The following OTC variants were observed in gnomAD, a reference collection of about 807,000 sequenced individuals.
OTC encodes the protein ornithine transcarbamylase.
A neutral mutation model predicts 30.3 loss-of-function variants in OTC; 3 were observed. That is an observed-to-expected ratio of 0.10 (90% CI 0.05 to 0.26). OTC has a LOEUF of 0.26. Ranked by LOEUF, OTC falls within the 10% of genes least tolerant of loss-of-function variation. The pLI is 1.00. For missense variants in OTC, 194 were observed against 260.3 expected, an observed-to-expected ratio of 0.75 and a Z score of 1.75; for synonymous variants, 111 against 99.7, an observed-to-expected ratio of 1.11 and a Z score of -0.67.
chrX:38,345,107 T>G, the OTC span, among the ~76,000 whole-genome samples: 66 of 110,883 alleles, frequency 6.0e-4, no homozygotes, highest in African/African-American at 1.6e-3. Flanking sequence ...GAGGCTGAGG[T>G]TGGAGGATCG....
chrX:38,331,797 G>C, the OTC span, among the ~76,000 whole-genome samples: 1 of 110,688 alleles, frequency 9.0e-6, no homozygotes, highest in Admixed American at 9.7e-5. Context: ...GCCCAGGCTG[G>C]TCTTGAACTT....
chrX:38,371,723 G>A (rs1329643781), intron 3 of OTC, among the ~76,000 whole-genome samples: 1 of 111,796 alleles, frequency 8.9e-6, no homozygotes, highest in Non-Finnish European at 1.9e-5. Context: ...AGAGAAGGAA[G>A]GAGGACGAGG....
intron 1 of OTC, among the ~76,000 whole-genome samples, chrX:38,355,058 C>G (rs1430905110): frequency 9.0e-6 from 1 of 111,550 alleles, no homozygotes; most frequent in African/African-American, 3.3e-5. Flanking sequence ...GTTTACTACT[C>G]CAGAATAATA....
intron 1 of OTC, among the ~76,000 whole-genome samples, chrX:38,366,276 G>A (rs1269873450): frequency 9.0e-6 from 1 of 111,533 alleles, no homozygotes; most frequent in Non-Finnish European, 1.9e-5. Context: ...ATTTCTTAAG[G>A]TTTTTTTAAA....
the OTC span, among the ~76,000 whole-genome samples, chrX:38,345,815 A>G: frequency 9.0e-6 from 1 of 111,271 alleles, no homozygotes; most frequent in African/African-American, 3.3e-5. Context: ...TGCTGGGATT[A>G]CAGGCATGAG....
the OTC span, among the ~76,000 whole-genome samples, chrX:38,334,535 T>A: frequency 9.0e-6 from 1 of 111,507 alleles, no homozygotes; most frequent in African/African-American, 3.3e-5. Flanking sequence ...GTCAGAAGAT[T>A]GAGGAATGAG....
At chrX:38,377,830 GTCTC>G (rs1203444221) in intron 3 of OTC, among the ~76,000 whole-genome samples, 3 of 110,461 alleles carry the variant, frequency 2.7e-5, no homozygotes, top group African/African-American at 9.9e-5. Context: ...CCTTCTTGTT[GTCTC>G]TCTCTCTCTC....
the OTC span, among the ~76,000 whole-genome samples, chrX:38,340,043 A>G: frequency 1.8e-5 from 2 of 112,566 alleles, no homozygotes; most frequent in African/African-American, 6.5e-5. Flanking sequence ...AGGTGCCAAC[A>G]TCACTTTGTC....
intron 9 of OTC, among the ~76,000 whole-genome samples, chrX:38,417,457 A>G (rs1171135991): frequency 9.0e-6 from 1 of 111,334 alleles, no homozygotes; most frequent in Non-Finnish European, 1.9e-5. Flanking sequence ...TCATGTGAGC[A>G]TTGTAGTCAG....
chrX:38,397,587 A>G (rs2068463923), intron 4 of OTC, among the ~76,000 whole-genome samples: 1 of 112,222 alleles, frequency 8.9e-6, no homozygotes. Flanking sequence ...GACTGAGCTT[A>G]AAGAAAATAC....
intron 3 of OTC, among the ~76,000 whole-genome samples, chrX:38,377,194 A>T (rs1217652517): frequency 8.9e-6 from 1 of 112,267 alleles, no homozygotes; most frequent in East Asian, 2.8e-4. Context: ...GTGGAAATTT[A>T]AAAATGTGCT....
chrX:38,343,118 G>T, the OTC span, among the ~76,000 whole-genome samples: 2 of 112,022 alleles, frequency 1.8e-5, no homozygotes, highest in African/African-American at 6.5e-5. Context: ...TGTTTCCTGG[G>T]CTCAAGGGGA....
chrX:38,356,290 A>G (rs1429703303), intron 1 of OTC, among the ~76,000 whole-genome samples: 1 of 111,220 alleles, frequency 9.0e-6, no homozygotes, highest in Non-Finnish European at 1.9e-5. Context: ...GAATTCTTCA[A>G]TTTTCAGATG....
rs2068594190 is a variant in OTC, at chrX:38,421,250, T to C, written c.*168T>C. The C allele has an allele frequency of 6.5e-6, 3 of 460,208 alleles. No individual in the cohort carries two copies. Among genetic ancestry groups the C allele is most frequent in the African/African-American group, 2.4e-5 (1 of 42,302 alleles). The allele number at this position is 460,208 out of a possible 1,213,427, so 37.9% of individuals were successfully genotyped here. On this transcript the variant is annotated 3_prime_UTR_variant, in exon 10 of 10. Transcript: ENST00000039007. ...TGAAACTTTCCTTAAGCCTTTAATTTAAGTGCTGATGCACTGTAATACGTG... is the reference window on the plus strand; with the variant it reads ...TGAAACTTTCCTTAAGCCTTTAATTCAAGTGCTGATGCACTGTAATACGTG...
upstream of OTC, among the ~76,000 whole-genome samples, chrX:38,351,770 C>CT (rs920293343): frequency 1.1e-4 from 12 of 110,442 alleles, no homozygotes; most frequent in Admixed American, 2.9e-4. Flanking sequence ...TTCTTTCTTT[C>CT]TTTTTTTTGA....
chrX:38,399,981 T>C (rs2147340522), intron 4 of OTC, among the ~76,000 whole-genome samples: 1 of 111,721 alleles, frequency 9.0e-6, no homozygotes, highest in South Asian at 3.8e-4. Context: ...AGTGGTAGAA[T>C]AAGAAAAATA....
In OTC at chrX:38,368,657, T is replaced by C. The variant is rs1271915829; in HGVS notation, c.217-1139T>C. 1.7e-4 allele frequency among the ~76,000 whole-genome samples: 18 copies of C among 103,111 alleles called. No homozygotes were observed. In the Admixed American group the frequency reaches 2.0e-3, roughly 11 times the overall value. 89.5% of individuals were successfully genotyped at this position (103,111 alleles called of 115,157 possible). ...AAAGCATTTTTGTATTCCAAGCTTG[T>C]TCAGCCTTTTTAAAGAGTTGGTTTC... On this transcript the variant is annotated intron_variant, in intron 2 of 9. Coordinates refer to ENST00000039007, the MANE Select transcript of OTC (RefSeq NM_000531.6).
chrX:38,366,172 C>T (rs747190933), intron 1 of OTC, among the ~76,000 whole-genome samples: 13 of 111,679 alleles, frequency 1.2e-4, no homozygotes, highest in Non-Finnish European at 1.7e-4. Context: ...AGTAAGGAAA[C>T]GAGGAAATAG....
At chrX:38,333,582 A>G in the OTC span, among the ~76,000 whole-genome samples, 13 of 112,206 alleles carry the variant, frequency 1.2e-4, no homozygotes, top group Non-Finnish European at 2.1e-4. Flanking sequence ...CAACGTGCAC[A>G]AGTCTTAGCA....
Sources: gnomAD v4.1 joint callset for allele counts (sites outside exome capture counted in the v4.1 genomes callset) on GRCh38, gnomAD v4.1.1 for gene constraint, MANE v1.5 for transcripts, NCBI Gene and HGNC (gene_info 2026-07-23, HGNC 2026-07-21) for gene names.